S100A8: variants seen among roughly 807,000 people sequenced by gnomAD.
S100A8 encodes S100 calcium binding protein A8.
S100A8 carries 1 observed loss-of-function variant against 4.2 expected under a neutral mutation model. The ratio of observed to expected loss-of-function variants is 0.24; its 90% confidence interval spans 0.08 to 1.12. The LOEUF is 1.12. Among genes scored for constraint, S100A8 ranks in the 50% most tolerant of loss-of-function variants. S100A8 has a pLI of 0.53. For synonymous variants in S100A8, 41 were observed against 44.7 expected (o/e 0.92, Z 0.33); for missense variants, 96 against 111.8 (o/e 0.86, Z 0.64).
chr1:153,412,435 C>T, the S100A8 span, among the ~76,000 whole-genome samples: 1 of 152,190 alleles, frequency 6.6e-6, no homozygotes, highest in Non-Finnish European at 1.5e-5. Flanking sequence ...AATGAGATAC[C>T]ATCTCACACC....
the S100A8 span, among the ~76,000 whole-genome samples, chr1:153,413,237 A>C: frequency 6.6e-6 from 1 of 152,270 alleles, no homozygotes; most frequent in African/African-American, 2.4e-5. Context: ...CTCTATGGTC[A>C]GGCACAAATT....
chr1:153,390,506 G>T lies in S100A8; in HGVS notation c.30C>A (p.Asn10Lys), dbSNP rs748799940. The part of the protein sequence containing the change: MLTELEKAL[N>K]SIIDVYHKYS... ...ACTTGTGGTAGACGTCGATGATAGA[G>T]TTCAAGGCTTTCTCCAGCTCGGTCA... The change falls in exon 2 of 3, where the codon AAC becomes AAA. Residue 10 changes from asparagine to lysine, a missense_variant. Coordinates refer to ENST00000368733, the MANE Select transcript of S100A8 (RefSeq NM_002964.5). The T allele has an allele frequency of 6.2e-6, 10 of 1,614,122 alleles. No individual in the cohort carries two copies. The African/African-American group carries it at 1.3e-4, about 22-fold the overall frequency.
chr1:153,414,168 G>A, the S100A8 span, among the ~76,000 whole-genome samples: 142 of 152,186 alleles, frequency 9.3e-4, no homozygotes, highest in African/African-American at 3.3e-3. Flanking sequence ...CTAGATGGTA[G>A]CATAAGAGGA....
At chr1:153,390,607 G>C in intron 1 of S100A8, 50 bp from the exon 2 acceptor site, 1 of 1,599,682 alleles carries the variant, frequency 6.3e-7, no homozygotes, top group Non-Finnish European at 8.5e-7. Flanking sequence ...ATTTGCATCT[G>C]GCCAGGGCAG....
the S100A8 span, among the ~76,000 whole-genome samples, chr1:153,411,383 G>T: frequency 1.9e-4 from 29 of 152,262 alleles, no homozygotes; most frequent in African/African-American, 6.5e-4. Flanking sequence ...ATTCACAATT[G>T]CTTCAAAGAG....
the S100A8 span, among the ~76,000 whole-genome samples, chr1:153,405,924 T>C: frequency 2.0e-5 from 3 of 152,164 alleles, no homozygotes; most frequent in African/African-American, 7.2e-5. Context: ...TGCAGAACTC[T>C]CTCTCTGTCT....
At chr1:153,417,898 T>A in the S100A8 span, 1 of 835,228 alleles carries the variant, frequency 1.2e-6, no homozygotes, top group Admixed American at 3.0e-5. Context: ...GACTTGGTCC[T>A]ACCCTCTCAT....
chr1:153,419,019 C>G, the S100A8 span: 1 of 1,009,522 alleles, frequency 9.9e-7, no homozygotes, highest in South Asian at 1.6e-5. Context: ...CCTGTGCTCT[C>G]AGCCCCACGA....
chr1:153,397,486 G>T, the S100A8 span, among the ~76,000 whole-genome samples: 13 of 152,304 alleles, frequency 8.5e-5, no homozygotes, highest in African/African-American at 2.4e-4. Context: ...AATGGGGATG[G>T]TAGGGGAGAG....
the S100A8 span, among the ~76,000 whole-genome samples, chr1:153,415,185 C>T: frequency 8.4e-4 from 124 of 148,156 alleles, no homozygotes; most frequent in African/African-American, 2.3e-3. Context: ...TGTGTGTGTG[C>T]GTGTGTGTGT....
chr1:153,391,236 G>A, upstream of S100A8: 1 of 983,792 alleles, frequency 1.0e-6, no homozygotes. Context: ...ATTTTGGGTG[G>A]GGAGGTAGGA....
At chr1:153,415,647 G>C in the S100A8 span, among the ~76,000 whole-genome samples, 1 of 145,010 alleles carries the variant, frequency 6.9e-6, no homozygotes, top group East Asian at 2.2e-4. Context: ...GACTTTCTGG[G>C]AAGTTAGTGC....
chr1:153,403,527 G>A, the S100A8 span, among the ~76,000 whole-genome samples: 2 of 152,078 alleles, frequency 1.3e-5, no homozygotes, highest in Non-Finnish European at 2.9e-5. Context: ...CCTGAGTTCC[G>A]TGGCCTTGTC....
chr1:153,395,883 G>T (rs1662200144), upstream of S100A8, among the ~76,000 whole-genome samples: 1 of 152,184 alleles, frequency 6.6e-6, no homozygotes, highest in South Asian at 2.1e-4. Context: ...CCCGATCCTG[G>T]TCTCTTCCCA....
the S100A8 span, among the ~76,000 whole-genome samples, chr1:153,413,107 C>T: frequency 3.7e-4 from 57 of 152,214 alleles, no homozygotes; most frequent in Non-Finnish European, 6.5e-4. Flanking sequence ...ACGCTGTGCA[C>T]ATGTACCCTA....
the S100A8 span, among the ~76,000 whole-genome samples, chr1:153,415,433 G>A: frequency 6.6e-6 from 1 of 152,150 alleles, no homozygotes; most frequent in Admixed American, 6.5e-5. Flanking sequence ...AAGGAACATT[G>A]TAAGGGGGTA....
At chr1:153,412,583 A>G in the S100A8 span, among the ~76,000 whole-genome samples, 462 of 152,336 alleles carry the variant, frequency 3.0e-3, 2 homozygotes, top group African/African-American at 0.01. Context: ...CGATTCCTCA[A>G]GGATCTAGAA....
At chr1:153,390,284 T>G in intron 2 of S100A8, 41 bp from the exon 3 acceptor site, 1 of 1,604,324 alleles carries the variant, frequency 6.2e-7, no homozygotes, top group South Asian at 1.1e-5. Context: ...TTTAAAGATC[T>G]CAGAGAGAGC....
rs1483852099 is a variant in S100A8 at position 153,390,128 on chromosome 1, C to CT, written c.256dup (p.Ser86LysfsTer3). On this transcript the variant is annotated frameshift_variant, in exon 3 of 3. Transcript: ENST00000368733. LOFTEE classifies it high-confidence loss of function. ...CTACTCTTTGTGGCTTTCTTCATGGCTTTTTTTGTGGGCTGCCACGCCCAT... is the reference window on the plus strand; with the variant it reads ...CTACTCTTTGTGGCTTTCTTCATGGCTTTTTTTTGTGGGCTGCCACGCCCAT... 1.2e-6 allele frequency: 2 copies of CT among 1,613,844 alleles called. No individual in the cohort carries two copies. Among genetic ancestry groups the CT allele is most frequent in the East Asian group, 2.2e-5 (1 of 44,874 alleles).
Sources: allele counts gnomAD v4.1 joint callset (sites outside exome capture counted in the v4.1 genomes callset), GRCh38; gene constraint gnomAD v4.1.1; transcripts MANE v1.5; gene names NCBI Gene and HGNC (gene_info 2026-07-23, HGNC 2026-07-21).